Variants in CBFA2T3 observed in about 807,000 individuals in gnomAD.
CBFA2T3 encodes CBFA2/RUNX1 partner transcriptional co-repressor 3.
CBFA2T3 carries 31 observed loss-of-function variants against 58.6 expected under a neutral mutation model. That is an observed-to-expected ratio of 0.53 (90% confidence interval 0.40 to 0.71). CBFA2T3 has a LOEUF of 0.71. Among genes scored for constraint, CBFA2T3 ranks in the 30% least tolerant of loss-of-function variants. The pLI is 0.00. For synonymous variants in CBFA2T3, 531 were observed against 421.9 expected (o/e 1.26, Z -3.17); for missense variants, 1,076 against 963.1 (o/e 1.12, Z -1.55).
At chr16:88,886,235 A>G in intron 5 of CBFA2T3, 93 bp from the exon 6 acceptor site, 1 of 946,076 alleles carries the variant, frequency 1.1e-6, no homozygotes, top group Non-Finnish European at 1.5e-6. Context: ...GGTGGCCGAA[A>G]GCTCAACTTG....
intron 1 of CBFA2T3, chr16:88,939,878 C>G (rs984842186): frequency 1.3e-5 from 2 of 152,258 alleles, no homozygotes; most frequent in African/African-American, 4.8e-5. Flanking sequence ...GTCCCAGCCT[C>G]AAGAAGTTTC....
chr16:88,876,308 C>G lies in CBFA2T3; in HGVS notation c.*668G>C, dbSNP rs1968825978. On this transcript the variant is annotated 3_prime_UTR_variant, in exon 12 of 12. Transcript: ENST00000268679. Reference sequence around the variant, plus strand: ...CATTACAGGAAAAAAAAATCTGAAACCAAAAATGCATCTTGAGTCAGAAAT... The same window carrying G: ...CATTACAGGAAAAAAAAATCTGAAAGCAAAAATGCATCTTGAGTCAGAAAT... 4.4e-6 allele frequency: 1 copy of G among 227,826 alleles called. No individual in the cohort carries two copies. The highest frequency in any genetic ancestry group is 2.2e-5 in the African/African-American group (1 of 44,972). The allele number at this position is 227,826 out of a possible 1,614,324, so 14.1% of individuals were successfully genotyped here.
chr16:88,883,638 G>A (rs1420707260), intron 7 of CBFA2T3: 4 of 152,204 alleles, frequency 2.6e-5, no homozygotes, highest in African/African-American at 9.7e-5. Flanking sequence ...AGTGACGCCC[G>A]GCAGTGGCCG....
intron 1 of CBFA2T3, among the ~76,000 whole-genome samples, chr16:88,905,427 C>T (rs931892620): frequency 6.6e-6 from 1 of 152,060 alleles, no homozygotes; most frequent in Admixed American, 6.6e-5. Flanking sequence ...CCATCCTTCC[C>T]TGTTCAGTCC....
At chr16:88,889,275 G>A (rs574537206) in intron 5 of CBFA2T3, among the ~76,000 whole-genome samples, 1 of 149,014 alleles carries the variant, frequency 6.7e-6, no homozygotes, top group East Asian at 2.0e-4. Flanking sequence ...GTGGGAGGGG[G>A]CGGAGGAAGG....
At chr16:88,927,934 T>C (rs1374618798) in intron 1 of CBFA2T3, among the ~76,000 whole-genome samples, 1 of 152,200 alleles carries the variant, frequency 6.6e-6, no homozygotes, top group Non-Finnish European at 1.5e-5. Flanking sequence ...CGGGCAACCC[T>C]GCCCAGTGTG....
intron 1 of CBFA2T3, among the ~76,000 whole-genome samples, chr16:88,942,084 T>C (rs2142813654): frequency 6.6e-6 from 1 of 152,220 alleles, no homozygotes; most frequent in Admixed American, 6.5e-5. Context: ...TGCATACACT[T>C]TGCATTCATT....
rs572358958 is a variant in CBFA2T3, at chr16:88,901,636, T to A, written c.172A>T (p.Lys58Ter). ...GGPAPVDRKA[K>*]ASAMPDSPAE... ...GGGGAGTCCGGCATCGCTGAGGCCT[T>A]AGCTTTCCTGTCCACTGGGGCTGCG... The change falls in exon 2 of 12, where the codon AAG (lysine) becomes TAG (stop). Residue 58 changes from lysine to a stop codon, truncating the protein, a stop_gained. Transcript: ENST00000268679. LOFTEE classifies it high-confidence loss of function. The A allele has an allele frequency of 1.3e-6, 2 of 1,532,286 alleles. No individual in the cohort carries two copies. Among genetic ancestry groups the A allele is most frequent in the Admixed American group, 2.4e-5 (1 of 42,066 alleles). 94.9% of individuals were successfully genotyped at this position (1,532,286 alleles called of 1,614,324 possible). A position where few individuals can be genotyped will look rare whatever the true frequency, so the allele number is the denominator to read the frequency against.
chr16:88,902,113 G>T (rs1276487178), intron 1 of CBFA2T3, among the ~76,000 whole-genome samples: 1 of 152,246 alleles, frequency 6.6e-6, no homozygotes, highest in East Asian at 1.9e-4. Context: ...CATGTTCCCA[G>T]GTGGCGCTGC....
At chr16:88,936,815 C>T (rs1211163563) in intron 1 of CBFA2T3, 1 of 152,312 alleles carries the variant, frequency 6.6e-6, no homozygotes, top group Non-Finnish European at 1.5e-5. Flanking sequence ...AAACTCATTG[C>T]CACAGCACAG....
At position 88,976,977 on chromosome 16, in the gene CBFA2T3, T is replaced by G. The variant is rs1201098311; in HGVS notation, c.-170A>C. The G allele has an allele frequency of 2.8e-6, 2 of 702,272 alleles. No homozygotes were observed. Among genetic ancestry groups the G allele is most frequent in the East Asian group, 5.7e-5 (2 of 35,212 alleles). The allele number at this position is 702,272 out of a possible 1,614,324, so 43.5% of individuals were successfully genotyped here. A position where few individuals can be genotyped will look rare whatever the true frequency, so the allele number is the denominator to read the frequency against. Reference sequence around the variant, plus strand: ...AGCCGAGGCCCTCCCGGCCACCAACTGGGTGTCCTCTGCCCTGGGGAGGGG... The same window carrying G: ...AGCCGAGGCCCTCCCGGCCACCAACGGGGTGTCCTCTGCCCTGGGGAGGGG... On this transcript the variant is annotated 5_prime_UTR_variant, in exon 1 of 12. Coordinates refer to ENST00000268679, the MANE Select transcript of CBFA2T3 (RefSeq NM_005187.6).
At chr16:88,907,831 T>A (rs1234370753) in intron 1 of CBFA2T3, among the ~76,000 whole-genome samples, 2 of 152,264 alleles carry the variant, frequency 1.3e-5, no homozygotes, top group South Asian at 4.1e-4. Flanking sequence ...CCACCCTCGA[T>A]GGCTCAGGCA....
chr16:88,935,458 G>C (rs765204637), intron 1 of CBFA2T3, among the ~76,000 whole-genome samples: 2 of 152,232 alleles, frequency 1.3e-5, no homozygotes, highest in Non-Finnish European at 2.9e-5. Context: ...TTCTGCCTCT[G>C]ACAGGGAGTA....
intron 1 of CBFA2T3, chr16:88,902,391 G>C (rs931912391): frequency 3.9e-5 from 6 of 152,288 alleles, no homozygotes. Context: ...GCCAGGACAC[G>C]TGATTAATGA....
At chr16:88,944,280 T>C (rs904965785) in intron 1 of CBFA2T3, among the ~76,000 whole-genome samples, 22 of 135,972 alleles carry the variant, frequency 1.6e-4, no homozygotes, top group Admixed American at 6.2e-4. Context: ...GAGCTTGCAG[T>C]GAGCCGAGAT....
intron 1 of CBFA2T3, among the ~76,000 whole-genome samples, chr16:88,965,055 C>T (rs1972463815): frequency 6.6e-6 from 1 of 151,430 alleles, no homozygotes; most frequent in Non-Finnish European, 1.5e-5. Context: ...ATCCATCCAT[C>T]CACCCATCCA....
At chr16:88,933,888 CGAG>C (rs1971396747) in intron 1 of CBFA2T3, among the ~76,000 whole-genome samples, 1 of 151,966 alleles carries the variant, frequency 6.6e-6, no homozygotes, top group Admixed American at 6.6e-5. Context: ...AAGACCGGCA[CGAG>C]GAGGACAGAG....
Position 88,885,187 on chromosome 16 carries a change from G to C in CBFA2T3, c.976C>G (p.Arg326Gly). 6.2e-7 allele frequency: 1 copy of C among 1,603,848 alleles called. No individual in the cohort carries two copies. Among genetic ancestry groups the C allele is most frequent in the Non-Finnish European group, 8.5e-7 (1 of 1,174,748 alleles). Residue 326 changes from arginine to glycine, a missense_variant, in exon 7 of 12, where the codon CGC becomes GGC. Transcript: ENST00000268679. This position sits in a 1 kb window ranked among gnomAD's most constrained non-coding sequence, Gnocchi z 5.3. The part of the protein sequence containing the change: ...KRPCTLNPAQ[R>G]YSPSNGPPQP... Reference sequence around the variant, plus strand: ...GGTGGCCCGTTGCTGGGGCTGTAGCGCTGGGCAGGGTTCAGGGTGCATGGC... The same window carrying C: ...GGTGGCCCGTTGCTGGGGCTGTAGCCCTGGGCAGGGTTCAGGGTGCATGGC...
chr16:88,903,663 G>GT (rs970307186), intron 1 of CBFA2T3, among the ~76,000 whole-genome samples: 1 of 137,286 alleles, frequency 7.3e-6, no homozygotes, highest in Non-Finnish European at 1.6e-5. Flanking sequence ...CCCGGCTGGG[G>GT]GGGGGGGCGT....
Sources: allele counts gnomAD v4.1 joint callset (sites outside exome capture counted in the v4.1 genomes callset), GRCh38; gene constraint gnomAD v4.1.1; non-coding constraint Gnocchi (gnomAD v3.1); transcripts MANE v1.5; gene names NCBI Gene and HGNC (gene_info 2026-07-23, HGNC 2026-07-21).